The following PTPN20 variants were observed in gnomAD, a reference collection of about 807,000 sequenced individuals.
PTPN20 encodes the protein protein tyrosine phosphatase non-receptor type 20, also known as tyrosine-protein phosphatase non-receptor type 20.
PTPN20 carries 9 observed loss-of-function variants against 35.0 expected under a neutral mutation model. The ratio of observed to expected loss-of-function variants is 0.26; its 90% CI spans 0.15 to 0.45. The LOEUF (loss-of-function observed/expected upper bound fraction) is 0.45. Ranked by LOEUF, PTPN20 falls within the 20% of genes least tolerant of loss-of-function variation. The pLI is 1.00. For missense variants in PTPN20, 111 were observed against 312.5 expected, an observed-to-expected ratio of 0.36 and a Z score of 4.86; for synonymous variants, 32 against 100.2, an observed-to-expected ratio of 0.32 and a Z score of 4.06.
At position 46,993,941 on chromosome 10, in the gene PTPN20, T is replaced by A. The variant is rs200114397; in HGVS notation, c.1135-5971T>A. The stretch of plus-strand genomic sequence containing the variant: ...GTGTATGTGGTTTTTTGTATTTTTT[T>A]ATTTTCCTTCTGAAGAACTCGCTTT... On this transcript the variant is annotated intron_variant, in intron 9 of 10. Coordinates refer to ENST00000374339, the MANE Select transcript of PTPN20 (RefSeq NM_001042357.5). Among the ~76,000 whole-genome samples, 99 of 152,350 alleles carry A rather than the reference T, an allele frequency of 6.5e-4. 1 individual carries two copies. In the East Asian group the frequency reaches 0.015, roughly 23 times the overall value.
intron 1 of PTPN20, among the ~76,000 whole-genome samples, chr10:46,928,689 C>T (rs1478173282): frequency 2.0e-5 from 3 of 147,488 alleles, no homozygotes; most frequent in Non-Finnish European, 4.5e-5. Context: ...ACCACCATTC[C>T]TTATAGAAAA....
intron 5 of PTPN20, among the ~76,000 whole-genome samples, chr10:46,952,950 TTTG>T (rs2047149705): frequency 1.4e-5 from 2 of 145,922 alleles, no homozygotes; most frequent in Non-Finnish European, 3.0e-5. Flanking sequence ...CTTTAACGGA[TTTG>T]TTGTTGTTTC....
chr10:46,925,522 CTTTTTTTT>C (rs1271555570), intron 1 of PTPN20, among the ~76,000 whole-genome samples: 20 of 134,078 alleles, frequency 1.5e-4, no homozygotes, highest in Admixed American at 2.9e-4. Flanking sequence ...GCTGCTTCCT[CTTTTTTTT>C]TTTTTTTTTT....
Position 47,001,020 on chromosome 10 carries a change from G to A in PTPN20, c.*279G>A, listed in dbSNP as rs2059978296. ...AAAACGATTGCAGCTTGGCTATTTG[G>A]TTGAAGGGATTACAGAGCCCAATAA... On this transcript the variant is annotated 3_prime_UTR_variant, in exon 11 of 11. Transcript: ENST00000374339. 5.9e-6 allele frequency: 3 copies of A among 509,162 alleles called. No individual in the cohort carries two copies. The East Asian group carries it at 1.1e-4, about 18-fold the overall frequency. The allele number at this position is 509,162 out of a possible 1,614,324, so 31.5% of individuals were successfully genotyped here.
intron 6 of PTPN20, among the ~76,000 whole-genome samples, chr10:46,965,897 CT>C (rs1265312826): frequency 1.1e-3 from 23 of 20,484 alleles, no homozygotes; most frequent in Non-Finnish European, 1.2e-3. Context: ...CCCCATTTTC[CT>C]TTTTTTTTTT....
At chr10:46,975,963 T>C (rs1431999100) in intron 7 of PTPN20, among the ~76,000 whole-genome samples, 1 of 151,562 alleles carries the variant, frequency 6.6e-6, no homozygotes, top group East Asian at 1.9e-4. Context: ...ACAGAGCTGT[T>C]TTGTTTCTTT....
chr10:46,988,158 T>C (rs2057143911), intron 9 of PTPN20, among the ~76,000 whole-genome samples: 1 of 151,954 alleles, frequency 6.6e-6, no homozygotes, highest in Non-Finnish European at 1.5e-5. Flanking sequence ...GAATCAGATG[T>C]GATGATTACA....
At chr10:46,997,788 G>A (rs1590040068) in intron 9 of PTPN20, among the ~76,000 whole-genome samples, 1 of 152,084 alleles carries the variant, frequency 6.6e-6, no homozygotes, top group East Asian at 1.9e-4. Flanking sequence ...ACATACAGAT[G>A]ACAAGCACGT....
chr10:46,995,065 C>T (rs1409199127), intron 9 of PTPN20, among the ~76,000 whole-genome samples: 1 of 152,078 alleles, frequency 6.6e-6, no homozygotes, highest in Non-Finnish European at 1.5e-5. Flanking sequence ...GCTATTAATA[C>T]TAGTTTGAAT....
intron 5 of PTPN20, among the ~76,000 whole-genome samples, chr10:46,949,354 C>T (rs1417835524): frequency 6.6e-6 from 1 of 152,234 alleles, no homozygotes; most frequent in Admixed American, 6.5e-5. Flanking sequence ...CAGCTATCAG[C>T]AGTGCATTAC....
downstream of PTPN20, among the ~76,000 whole-genome samples, chr10:47,003,157 A>C (rs1360710776): frequency 6.6e-6 from 1 of 152,042 alleles, no homozygotes; most frequent in Non-Finnish European, 1.5e-5. Context: ...TCAATCAAAA[A>C]CTGGTAATTA....
chr10:46,940,276 G>GT (rs2043026725), intron 2 of PTPN20, among the ~76,000 whole-genome samples: 1 of 147,730 alleles, frequency 6.8e-6, no homozygotes, highest in South Asian at 2.2e-4. Flanking sequence ...AAACACAGAA[G>GT]ACTGTATTCT....
intron 2 of PTPN20, among the ~76,000 whole-genome samples, chr10:46,940,187 CTT>C (rs1458045143): frequency 6.8e-6 from 1 of 148,132 alleles, no homozygotes; most frequent in East Asian, 2.0e-4. Flanking sequence ...ATATTACTAA[CTT>C]ATGAATTATA....
intron 1 of PTPN20, among the ~76,000 whole-genome samples, chr10:46,928,307 A>G: frequency 6.6e-6 from 1 of 152,118 alleles, no homozygotes; most frequent in Admixed American, 6.5e-5. Context: ...TTAAACTTGC[A>G]TTAATAACTT....
chr10:46,976,136 T>G (rs2053516774), intron 7 of PTPN20, among the ~76,000 whole-genome samples: 1 of 131,782 alleles, frequency 7.6e-6, no homozygotes, highest in Non-Finnish European at 1.6e-5. Context: ...CATTTATTTT[T>G]TTTTTAGAAA....
chr10:46,948,010 A>G (rs2045511370), intron 5 of PTPN20: 1 of 446,114 alleles, frequency 2.2e-6, no homozygotes. Flanking sequence ...GACAAACTGT[A>G]TTCCAAAGAA....
At position 46,935,616 on chromosome 10, in the gene PTPN20, G is replaced by A. The variant is rs1332583902; in HGVS notation, c.34+3083G>A. On this transcript the variant is annotated intron_variant, in intron 2 of 10. Coordinates refer to ENST00000374339, the MANE Select transcript of PTPN20 (RefSeq NM_001042357.5). ...CAAACTGCTGGGATTACAGGCATGA[G>A]CCGCCGCACCCAGCCATGATTTCAT... is the stretch of plus-strand genomic sequence containing the variant. Among the ~76,000 whole-genome samples the A allele has an allele frequency of 1.1e-4, 16 of 142,910 alleles. No individual in the cohort carries two copies. In the East Asian group the frequency reaches 2.7e-3, roughly 24 times the overall value. The allele number at this position is 142,910 out of a possible 152,430, so 93.8% of individuals were successfully genotyped here.
intron 7 of PTPN20, among the ~76,000 whole-genome samples, chr10:46,983,420 T>C (rs2056144982): frequency 6.6e-6 from 1 of 151,734 alleles, no homozygotes; most frequent in East Asian, 1.9e-4. Flanking sequence ...GAGAGCTGCA[T>C]GGCAGAGAAG....
intron 5 of PTPN20, among the ~76,000 whole-genome samples, chr10:46,952,788 G>A (rs1203879059): frequency 1.3e-5 from 2 of 151,858 alleles, no homozygotes; most frequent in Non-Finnish European, 2.9e-5. Context: ...CATTGCAGAC[G>A]TATTCCTCGT....
Sources: allele counts gnomAD v4.1 joint callset (sites outside exome capture counted in the v4.1 genomes callset), GRCh38; gene constraint gnomAD v4.1.1; transcripts MANE v1.5; gene names NCBI Gene and HGNC (gene_info 2026-07-23, HGNC 2026-07-21).